The following CNTN6 variants were observed in gnomAD, a reference collection of about 807,000 sequenced individuals.
CNTN6 encodes contactin-6.
A neutral mutation model predicts 122.8 loss-of-function variants in CNTN6; 137 were observed. That is an observed-to-expected ratio of 1.12 (90% confidence interval 0.97 to 1.29). The LOEUF (loss-of-function observed/expected upper bound fraction) is 1.29, where lower values mean the gene tolerates loss of function less well. CNTN6 is among the 50% of genes most tolerant of loss of function. The pLI, the probability that CNTN6 is intolerant of heterozygous loss-of-function variation, is 0.00. For synonymous variants in CNTN6, 570 were observed against 426.0 expected (o/e 1.34, Z -4.16); for missense variants, 1,634 against 1,223.4 (o/e 1.34, Z -5.01).
chr3:1,177,240 A>G (rs1008848899), intron 2 of CNTN6, among the ~76,000 whole-genome samples: 5 of 152,238 alleles, frequency 3.3e-5, no homozygotes, highest in African/African-American at 1.2e-4. Context: ...AAACTCAGAT[A>G]TAAAAAATTT....
intron 4 of CNTN6, among the ~76,000 whole-genome samples, chr3:1,259,280 T>C (rs1456243731): frequency 1.3e-5 from 2 of 152,118 alleles, no homozygotes; most frequent in Non-Finnish European, 2.9e-5. Flanking sequence ...AATTTACTAG[T>C]ACATGGTAGA....
At chr3:1,321,030 C>T (rs1045250311) in intron 7 of CNTN6, among the ~76,000 whole-genome samples, 2 of 151,206 alleles carry the variant, frequency 1.3e-5, no homozygotes, top group Non-Finnish European at 3.0e-5. Flanking sequence ...TAAATGAGTA[C>T]TTTTTTTGAG....
intron 2 of CNTN6, chr3:1,173,297 T>A (rs775633206): frequency 1.1e-5 from 5 of 456,658 alleles, no homozygotes; most frequent in South Asian, 7.7e-5. Flanking sequence ...TGCCCTTATA[T>A]CACCTGGCGG....
At chr3:1,400,053 T>A (rs1695490930) in intron 20 of CNTN6, among the ~76,000 whole-genome samples, 1 of 152,036 alleles carries the variant, frequency 6.6e-6, no homozygotes, top group African/African-American at 2.4e-5. Context: ...TATGTGAATC[T>A]TCCAGTGACA....
chr3:1,378,843 GCTGAGGGTGGGC>G (rs1220635425), intron 17 of CNTN6, among the ~76,000 whole-genome samples: 1 of 152,120 alleles, frequency 6.6e-6, no homozygotes. Context: ...CACTGTGATG[GCTGAGGGTGGGC>G]CTGAGTCCTT....
intron 12 of CNTN6, among the ~76,000 whole-genome samples, chr3:1,367,590 T>C (rs1242010895): frequency 6.6e-6 from 1 of 152,036 alleles, no homozygotes; most frequent in Non-Finnish European, 1.5e-5. Context: ...TGTGTGTGCA[T>C]GAGCTGCTGC....
chr3:1,170,974 G>A (rs2200847), intron 2 of CNTN6, among the ~76,000 whole-genome samples: 84,221 of 152,050 alleles, frequency 0.55, 24,485 homozygotes, highest in East Asian at 0.77. Flanking sequence ...GAAAGTGCTC[G>A]ATAAACAGTA....
At chr3:1,284,878 G>A (rs1300038646) in intron 5 of CNTN6, among the ~76,000 whole-genome samples, 4 of 152,098 alleles carry the variant, frequency 2.6e-5, no homozygotes, top group African/African-American at 4.8e-5. Flanking sequence ...TTGGGAGAAC[G>A]GCACTGAGGT....
At chr3:1,244,566 G>A (rs576966510) in intron 4 of CNTN6, among the ~76,000 whole-genome samples, 1 of 152,326 alleles carries the variant, frequency 6.6e-6, no homozygotes, top group South Asian at 2.1e-4. Flanking sequence ...AAGAGCAGGA[G>A]GACGGGGGAT....
At chr3:1,381,686 C>CTAAT (rs1312267275) in intron 17 of CNTN6, among the ~76,000 whole-genome samples, 1 of 152,150 alleles carries the variant, frequency 6.6e-6, no homozygotes, top group Non-Finnish European at 1.5e-5. Flanking sequence ...TGGCTGCCAG[C>CTAAT]TAATTTGGAT....
At chr3:1,123,411 A>G (rs1040286864) in intron 1 of CNTN6, among the ~76,000 whole-genome samples, 3 of 151,418 alleles carry the variant, frequency 2.0e-5, no homozygotes, top group Non-Finnish European at 4.4e-5. Context: ...GAATGCTATT[A>G]TACGTTGATG....
intron 17 of CNTN6, among the ~76,000 whole-genome samples, chr3:1,380,169 GAAAGGCAC>G (rs1710455380): frequency 6.6e-6 from 1 of 152,130 alleles, no homozygotes; most frequent in Non-Finnish European, 1.5e-5. Context: ...GTTGGACTTT[GAAAGGCAC>G]TGCGCGACAC....
chr3:1,302,042 A>G (rs1025942408), intron 7 of CNTN6, among the ~76,000 whole-genome samples: 4 of 152,322 alleles, frequency 2.6e-5, no homozygotes, highest in South Asian at 2.1e-4. Context: ...ATAAAAGGCG[A>G]CACACTCACT....
Position 1,278,394 on chromosome 3 carries a change from C to G in CNTN6, c.359-19C>G. The G allele has an allele frequency of 2.7e-6, 4 of 1,506,014 alleles. No homozygotes were observed. In the Admixed American group the frequency reaches 5.7e-5, roughly 21 times the overall value. The allele number at this position is 1,506,014 out of a possible 1,614,324, so 93.3% of individuals were successfully genotyped here. A position where few individuals can be genotyped will look rare whatever the true frequency, so the allele number is the denominator to read the frequency against. On this transcript the variant is annotated intron_variant, in intron 4 of 22. Transcript: ENST00000446702. ...TGCAAAGTAACTAATTATAAATCTG[C>G]TTTTCTTTGTTTTCCAAGATATTGA...
intron 7 of CNTN6, among the ~76,000 whole-genome samples, chr3:1,321,114 C>T (rs543976124): frequency 6.6e-6 from 1 of 151,466 alleles, no homozygotes; most frequent in South Asian, 2.1e-4. Flanking sequence ...TTTACCTCAC[C>T]CATCCCATGT....
intron 11 of CNTN6, among the ~76,000 whole-genome samples, chr3:1,330,957 A>G (rs760794582): frequency 2.2e-4 from 33 of 151,948 alleles, no homozygotes; most frequent in Non-Finnish European, 4.1e-4. Flanking sequence ...GAAAGCTAGA[A>G]GTCTGCATTC....
At chr3:1,210,426 A>AAAAAAGGAAAG (rs1553626469) in intron 2 of CNTN6, among the ~76,000 whole-genome samples, 4 of 148,578 alleles carry the variant, frequency 2.7e-5, no homozygotes, top group African/African-American at 1.0e-4. Context: ...AAAAGGAAAG[A>AAAAAAGGAAAG]AAAAAAAAAG....
Position 1,372,535 on chromosome 3 carries a change from C to A in CNTN6, c.1668+61C>A. On this transcript the variant is annotated intron_variant, in intron 13 of 22. Coordinates refer to ENST00000446702, the MANE Select transcript of CNTN6 (RefSeq NM_001289080.2). ...GAATCAAGTCTTTTACATGAATCAC[C>A]ATTTTTCATAGTTACTCTCTCCATC... The A allele has an allele frequency of 3.8e-6, 5 of 1,321,040 alleles. No individual in the cohort carries two copies. The East Asian group carries it at 7.3e-5, about 19-fold the overall frequency. 81.8% of individuals were successfully genotyped at this position (1,321,040 alleles called of 1,614,324 possible). A position where few individuals can be genotyped will look rare whatever the true frequency, so the allele number is the denominator to read the frequency against.
intron 11 of CNTN6, among the ~76,000 whole-genome samples, chr3:1,334,780 A>G (rs1008953879): frequency 6.6e-6 from 1 of 152,148 alleles, no homozygotes; most frequent in Non-Finnish European, 1.5e-5. Flanking sequence ...CCTGGAATAT[A>G]GCACACATTC....
Sources: gnomAD v4.1 joint callset for allele counts (sites outside exome capture counted in the v4.1 genomes callset) on GRCh38, gnomAD v4.1.1 for gene constraint, MANE v1.5 for transcripts, NCBI Gene and HGNC (gene_info 2026-07-23, HGNC 2026-07-21) for gene names.